Variants in EP400 observed in about 807,000 individuals in gnomAD.
The protein encoded by EP400 is E1A-binding protein p400.
A neutral mutation model predicts 354.1 loss-of-function variants in EP400; 105 were observed. That is an observed-to-expected ratio of 0.30 (90% confidence interval 0.25 to 0.35). EP400 has a LOEUF of 0.35. EP400 is among the 10% of genes least tolerant of loss of function. The probability of loss-of-function intolerance (pLI) is 1.00; values close to 1 mark genes in which losing one functional copy is unlikely to be tolerated. For synonymous variants in EP400, 1,646 were observed against 1,716.9 expected (o/e 0.96, Z 1.02); for missense variants, 3,280 against 4,121.0 (o/e 0.80, Z 5.59).
At chr12:131,970,665 G>T (rs1438582910) in intron 2 of EP400, among the ~76,000 whole-genome samples, 1 of 152,234 alleles carries the variant, frequency 6.6e-6, no homozygotes, top group Admixed American at 6.5e-5. Flanking sequence ...AAGCAAAGCT[G>T]AGAGGGTTTA....
chr12:131,952,364 T>C (rs893875450), intron 1 of EP400, among the ~76,000 whole-genome samples: 11 of 150,080 alleles, frequency 7.3e-5, no homozygotes, highest in Admixed American at 2.0e-4. Flanking sequence ...GCCAGGCTGG[T>C]CTCAAACTCC....
At chr12:131,977,968 A>G (rs374433486) in intron 2 of EP400, among the ~76,000 whole-genome samples, 1 of 152,290 alleles carries the variant, frequency 6.6e-6, no homozygotes, top group African/African-American at 2.4e-5. Flanking sequence ...ATGTCTCACT[A>G]AGTAGAGTGA....
chr12:132,054,826 G>A lies in EP400; in HGVS notation c.7729-148G>A, dbSNP rs1283985323. 3 of 814,244 alleles carry A rather than the reference G, an allele frequency of 3.7e-6. No individual in the cohort carries two copies. Among genetic ancestry groups the A allele is most frequent in the East Asian group, 4.9e-5 (2 of 40,984 alleles). The allele number at this position is 814,244 out of a possible 1,614,324, so 50.4% of individuals were successfully genotyped here. A position where few individuals can be genotyped will look rare whatever the true frequency, so the allele number is the denominator to read the frequency against. ...TAGACAGAGGGTGGGGGCACCGCCAGGTGGAATGAGCTGGGGAGGATGGGA... is the reference window on the plus strand; with the variant it reads ...TAGACAGAGGGTGGGGGCACCGCCAAGTGGAATGAGCTGGGGAGGATGGGA... On this transcript the variant is annotated intron_variant, in intron 43 of 52. Coordinates refer to ENST00000389561, the MANE Select transcript of EP400 (RefSeq NM_015409.5). The surrounding 1 kb of genome is among the most constrained non-coding windows in gnomAD (Gnocchi z 4.0).
In EP400 at chr12:132,067,209, A is replaced by G; in HGVS notation, c.8750-153A>G. On this transcript the variant is annotated intron_variant, in intron 49 of 52. Coordinates refer to ENST00000389561, the MANE Select transcript of EP400 (RefSeq NM_015409.5). This position sits in a 1 kb window ranked among gnomAD's most constrained non-coding sequence, Gnocchi z 5.3. ...TTAAGTGTAATTTGTGAACCCAGAA[A>G]CATTTTAATGTAGTTAAGGGATGGC... The G allele has an allele frequency of 1.6e-6, 2 of 1,265,394 alleles. No individual in the cohort carries two copies. The highest frequency in any genetic ancestry group is 1.1e-6 in the Non-Finnish European group (1 of 917,626). The allele number at this position is 1,265,394 out of a possible 1,614,324, so 78.4% of individuals were successfully genotyped here.
At position 132,067,907 on chromosome 12, in the gene EP400, G is replaced by A. The variant is rs1895946973; in HGVS notation, c.8874+421G>A. On this transcript the variant is annotated intron_variant, in intron 50 of 52. Coordinates refer to ENST00000389561, the MANE Select transcript of EP400 (RefSeq NM_015409.5). The surrounding 1 kb of genome is among the most constrained non-coding windows in gnomAD (Gnocchi z 5.3). ...GCCGTACAGTCTGGACCCCAGACAG[G>A]GAATGTGGCCTCTGTGCATGTTGGT... 6.6e-6 allele frequency among the ~76,000 whole-genome samples: 1 copy of A among 152,154 alleles called. No individual in the cohort carries two copies. Among genetic ancestry groups the A allele is most frequent in the Admixed American group, 6.5e-5 (1 of 15,280 alleles).
intron 6 of EP400, 102 bp downstream of exon 6, chr12:131,986,909 A>T: frequency 7.4e-7 from 1 of 1,359,378 alleles, no homozygotes; most frequent in South Asian, 1.4e-5. Flanking sequence ...TGCCTGGTCA[A>T]TTCAGCATGG....
chr12:132,023,745 C>T, intron 23 of EP400, 32 bp from the exon 24 acceptor site: 1 of 1,603,340 alleles, frequency 6.2e-7, no homozygotes, highest in Non-Finnish European at 8.5e-7. Flanking sequence ...CCAAAATGAT[C>T]TGAATTCACC....
rs201426703 is a variant in EP400, at chr12:131,960,670, C to A, written c.51C>A (p.Ser17=). 21 of 1,586,846 alleles carry A rather than the reference C, an allele frequency of 1.3e-5. No homozygotes were observed. The highest frequency in any genetic ancestry group is 1.6e-5 in the Non-Finnish European group (19 of 1,167,984). The change falls in exon 2 of 53, where the codon TCC becomes TCA. Residue 17 remains serine, a synonymous_variant. Transcript: ENST00000389561. Reference sequence around the variant, plus strand: ...ACGTCCAGCATCAGCTGCAGAGGTCCAGGGCCTGCCCTGGCAGCGAGGGTG... The same window carrying A: ...ACGTCCAGCATCAGCTGCAGAGGTCAAGGGCCTGCCCTGGCAGCGAGGGTG... The part of the protein sequence containing the change: ...PQNVQHQLQR[S]RACPGSEGEE...
At chr12:132,033,882 G>A (rs1050686313) in intron 30 of EP400, among the ~76,000 whole-genome samples, 1 of 151,976 alleles carries the variant, frequency 6.6e-6, no homozygotes, top group Admixed American at 6.5e-5. Context: ...TTCAAATGCT[G>A]TATTTAAATT....
chr12:132,005,134 C>G lies in EP400; in HGVS notation c.2885C>G (p.Ser962Cys). Reference protein sequence around the residue: ...KLYEGAFLPSSQWPRPKPDGE... With the variant: ...KLYEGAFLPSCQWPRPKPDGE... ...TACGAAGGCGCCTTCCTGCCGAGTT[C>G]TCAGTGGCCCCGGCCGAAGCCTGAT... Residue 962 changes from serine to cysteine, a missense_variant, in exon 13 of 53, where the codon TCT (serine) becomes TGT (cysteine). By Grantham distance (112) the Ser-to-Cys change is moderately radical. Coordinates refer to ENST00000389561, the MANE Select transcript of EP400 (RefSeq NM_015409.5). 6.3e-7 allele frequency: 1 copy of G among 1,589,376 alleles called. No homozygotes were observed. The highest frequency in any genetic ancestry group is 8.6e-7 in the Non-Finnish European group (1 of 1,168,074).
rs71470361 is a variant in EP400, at chr12:132,049,373, C to T, written c.7201-950C>T. Among the ~76,000 whole-genome samples, 1,097 of 152,358 alleles carry T rather than the reference C, an allele frequency of 7.2e-3. 7 individuals are homozygous for T. The highest frequency in any genetic ancestry group is 0.011 in the Non-Finnish European group (742 of 68,028). ...TAATAGGTAGGAGGAGAATGCTTCCCTGTATGGTACAGTGTTCCGGAAGCA... is the reference window on the plus strand; with the variant it reads ...TAATAGGTAGGAGGAGAATGCTTCCTTGTATGGTACAGTGTTCCGGAAGCA... On this transcript the variant is annotated intron_variant, in intron 39 of 52. Transcript: ENST00000389561.
Position 132,027,408 on chromosome 12 carries a change from T to G in EP400, c.5015-29T>G. 2 of 1,612,374 alleles carry G rather than the reference T, an allele frequency of 1.2e-6. No homozygotes were observed. Among genetic ancestry groups the G allele is most frequent in the Non-Finnish European group, 8.5e-7 (1 of 1,178,658 alleles). Reference sequence around the variant, plus strand: ...TGAAATCCTGTGAACTTGGCGTTCCTTTTCACCTCTTCCTTTATGCATTTG... The same window carrying G: ...TGAAATCCTGTGAACTTGGCGTTCCGTTTCACCTCTTCCTTTATGCATTTG... On this transcript the variant is annotated intron_variant, in intron 25 of 52. Coordinates refer to ENST00000389561, the MANE Select transcript of EP400 (RefSeq NM_015409.5). The surrounding 1 kb of genome is among the most constrained non-coding windows in gnomAD (Gnocchi z 4.9).
intron 35 of EP400, among the ~76,000 whole-genome samples, 162 bp downstream of exon 35, chr12:132,044,473 A>G (rs1043180215): frequency 2.6e-5 from 4 of 152,166 alleles, no homozygotes; most frequent in South Asian, 4.1e-4. Flanking sequence ...TAAAAACACA[A>G]TTTTCTTAAA....
chr12:132,077,684 A>C lies in EP400; in HGVS notation c.*11A>C, dbSNP rs748348321. On this transcript the variant is annotated 3_prime_UTR_variant, in exon 53 of 53. Transcript: ENST00000389561. ...CCTCCGTGCCAGTAGTCAGGGCAGC[A>C]GGGCTGCCTCTCATCTAAAGCAAAA... The C allele has an allele frequency of 6.3e-7, 1 of 1,580,994 alleles. No individual in the cohort carries two copies. The highest frequency in any genetic ancestry group is 8.6e-7 in the Non-Finnish European group (1 of 1,164,146).
Position 132,025,617 on chromosome 12 carries a change from A to G in EP400, c.4856-29A>G. ...TGGCTGTGATGTACACATGCCTGTCATTGACACCTAGTGGACCTATGATTG... is the reference window on the plus strand; with the variant it reads ...TGGCTGTGATGTACACATGCCTGTCGTTGACACCTAGTGGACCTATGATTG... On this transcript the variant is annotated intron_variant, in intron 24 of 52. Coordinates refer to ENST00000389561, the MANE Select transcript of EP400 (RefSeq NM_015409.5). The surrounding 1 kb of genome is among the most constrained non-coding windows in gnomAD (Gnocchi z 4.1). 1 of 1,563,906 alleles carries G rather than the reference A, an allele frequency of 6.4e-7. No homozygotes were observed. Among genetic ancestry groups the G allele is most frequent in the South Asian group, 1.2e-5 (1 of 84,746 alleles).
Position 131,989,933 on chromosome 12 carries a change from A to C in EP400, c.2410-31A>C, listed in dbSNP as rs372351944. 39 of 1,611,436 alleles carry C rather than the reference A, an allele frequency of 2.4e-5. No homozygotes were observed. In the South Asian group the frequency reaches 3.5e-4, roughly 15 times the overall value. ...TTTTTTCCAGCATGACATAGAGTACAACATACAATTCTTGCACTTTTATTC... is the reference window on the plus strand; with the variant it reads ...TTTTTTCCAGCATGACATAGAGTACCACATACAATTCTTGCACTTTTATTC... On this transcript the variant is annotated intron_variant, in intron 7 of 52. Transcript: ENST00000389561.
chr12:131,955,387 A>G (rs933599295), intron 1 of EP400, among the ~76,000 whole-genome samples: 4 of 151,892 alleles, frequency 2.6e-5, no homozygotes, highest in African/African-American at 7.3e-5. Flanking sequence ...GGTTCAAGCA[A>G]TTCTCTTGCC....
At chr12:132,046,989 A>G (rs1184569900) in intron 39 of EP400, among the ~76,000 whole-genome samples, 1 of 152,240 alleles carries the variant, frequency 6.6e-6, no homozygotes, top group Non-Finnish European at 1.5e-5. Flanking sequence ...GGACACATAT[A>G]GTAGAGGCAG....
In EP400 at chr12:132,066,944, G is replaced by A. The variant is rs773276336; in HGVS notation, c.8724G>A (p.Ala2908=). 1.7e-5 allele frequency: 27 copies of A among 1,604,240 alleles called. No individual in the cohort carries two copies. The highest frequency in any genetic ancestry group is 4.0e-5 in the African/African-American group (3 of 74,566). ...TGAACGTCGCGGGGATCAGCGTGGC[G>A]ATCGGTCAGCCACAGAAGGCAGCAG... ...LPMNVAGISV[A]IGQPQKAAGQ... Residue 2908 remains alanine (A), a synonymous_variant, in exon 49 of 53, where the codon GCG becomes GCA. Coordinates refer to ENST00000389561, the MANE Select transcript of EP400 (RefSeq NM_015409.5).
Sources: gnomAD v4.1 joint callset for allele counts (sites outside exome capture counted in the v4.1 genomes callset) on GRCh38, gnomAD v4.1.1 for gene constraint, Gnocchi (gnomAD v3.1) non-coding constraint, MANE v1.5 for transcripts, NCBI Gene and HGNC (gene_info 2026-07-23, HGNC 2026-07-21) for gene names.